RIMS1: variants seen among roughly 807,000 people sequenced by gnomAD.
RIMS1 encodes the protein regulating synaptic membrane exocytosis protein 1.
RIMS1 carries 83 observed loss-of-function variants against 214.1 expected under a neutral mutation model. That is an observed-to-expected ratio of 0.39 (90% CI 0.32 to 0.47). The LOEUF (loss-of-function observed/expected upper bound fraction) is 0.47, where lower values mean the gene tolerates loss of function less well. RIMS1 is among the 20% of genes least tolerant of loss of function. RIMS1 has a pLI of 0.99. For missense variants in RIMS1, 2,050 were observed against 2,161.8 expected (o/e 0.95, Z 1.03); for synonymous variants, 793 against 786.8 (o/e 1.01, Z -0.13).
chr6:72,239,682 C>G (rs1225724290), intron 9 of RIMS1, among the ~76,000 whole-genome samples: 2 of 152,162 alleles, frequency 1.3e-5, no homozygotes, highest in Non-Finnish European at 2.9e-5. Context: ...ACTGCTACTT[C>G]ATTTAACCTT....
chr6:72,078,563 G>T (rs1832485304), intron 2 of RIMS1, among the ~76,000 whole-genome samples: 1 of 152,122 alleles, frequency 6.6e-6, no homozygotes, highest in Non-Finnish European at 1.5e-5. Flanking sequence ...AGAGACTAGT[G>T]CCTATATCGG....
At chr6:72,256,120 C>T (rs1309449396) in intron 16 of RIMS1, among the ~76,000 whole-genome samples, 1 of 150,746 alleles carries the variant, frequency 6.6e-6, no homozygotes, top group Non-Finnish European at 1.5e-5. Flanking sequence ...TGAAGAAAAT[C>T]AAATTTTTTG....
At chr6:71,942,160 G>A (rs536538158) in intron 1 of RIMS1, among the ~76,000 whole-genome samples, 235 of 152,162 alleles carry the variant, frequency 1.5e-3, no homozygotes, top group Non-Finnish European at 2.6e-3. Context: ...TCCTTGTCAC[G>A]GCCTTAAACA....
intron 2 of RIMS1, among the ~76,000 whole-genome samples, chr6:72,063,773 C>T (rs543708644): frequency 5.3e-5 from 8 of 152,240 alleles, no homozygotes; most frequent in South Asian, 2.1e-4. Flanking sequence ...AGTTTGTATT[C>T]GTTTTATCTG....
intron 2 of RIMS1, among the ~76,000 whole-genome samples, chr6:72,065,515 C>T (rs1045172587): frequency 2.0e-5 from 3 of 151,338 alleles, no homozygotes; most frequent in East Asian, 1.9e-4. Flanking sequence ...TGTTCCTCTC[C>T]GAGGAAAAAA....
At chr6:72,273,613 A>G (rs980153963) in intron 22 of RIMS1, among the ~76,000 whole-genome samples, 2 of 152,154 alleles carry the variant, frequency 1.3e-5, no homozygotes, top group Admixed American at 6.5e-5. Flanking sequence ...AAAAGCATCC[A>G]TTTAATTGAC....
At chr6:71,911,146 A>G (rs1261624013) in intron 1 of RIMS1, among the ~76,000 whole-genome samples, 3 of 152,176 alleles carry the variant, frequency 2.0e-5, no homozygotes, top group Non-Finnish European at 4.4e-5. Context: ...ACCCTTCGAC[A>G]TTGAATTATG....
intron 2 of RIMS1, among the ~76,000 whole-genome samples, chr6:71,978,484 G>T (rs751109813): frequency 6.6e-6 from 1 of 151,794 alleles, no homozygotes; most frequent in Admixed American, 6.6e-5. Context: ...TAGGTGTTTG[G>T]ATACCCGTGA....
intron 2 of RIMS1, among the ~76,000 whole-genome samples, chr6:72,051,116 G>T (rs1302162197): frequency 6.6e-6 from 1 of 152,122 alleles, no homozygotes; most frequent in African/African-American, 2.4e-5. Flanking sequence ...TCTTCCAAAA[G>T]ATCGTTTCTT....
chr6:72,089,921 CA>C (rs1385323695), intron 2 of RIMS1, among the ~76,000 whole-genome samples: 1 of 146,114 alleles, frequency 6.8e-6, no homozygotes, highest in Non-Finnish European at 1.5e-5. Flanking sequence ...ATCGCAAGAA[CA>C]AAAAACCAAA....
chr6:71,936,026 G>A (rs1562229541), intron 1 of RIMS1, among the ~76,000 whole-genome samples: 1 of 152,140 alleles, frequency 6.6e-6, no homozygotes. Flanking sequence ...TCCTTTGGGC[G>A]CTGATAGAAC....
At chr6:72,380,456 G>C (rs189378392) in intron 29 of RIMS1, among the ~76,000 whole-genome samples, 73 of 152,256 alleles carry the variant, frequency 4.8e-4, no homozygotes, top group South Asian at 2.1e-3. Context: ...TCAACCTGAA[G>C]TATTACTTTA....
At chr6:72,205,946 TTATATC>T (rs1044224628) in intron 6 of RIMS1, among the ~76,000 whole-genome samples, 1 of 152,194 alleles carries the variant, frequency 6.6e-6, no homozygotes. Flanking sequence ...GGATTGCTAA[TTATATC>T]TATACTATAT....
At chr6:72,164,145 G>C (rs576422267) in intron 4 of RIMS1, among the ~76,000 whole-genome samples, 1 of 152,294 alleles carries the variant, frequency 6.6e-6, no homozygotes, top group Non-Finnish European at 1.5e-5. Context: ...TCAGACTGCT[G>C]TGCTAGCAAT....
At chr6:72,263,334 T>C in intron 19 of RIMS1, 7 of 985,196 alleles carry the variant, frequency 7.1e-6, no homozygotes, top group Non-Finnish European at 8.4e-6. Context: ...TGCCTTACTG[T>C]ATCCTACTGT....
chr6:72,024,493 C>T (rs1431316927), intron 2 of RIMS1, among the ~76,000 whole-genome samples: 1 of 152,058 alleles, frequency 6.6e-6, no homozygotes, highest in African/African-American at 2.4e-5. Context: ...ACAAGGCACT[C>T]AAATAATATT....
At chr6:71,917,512 G>C (rs190667381) in intron 1 of RIMS1, among the ~76,000 whole-genome samples, 9 of 152,250 alleles carry the variant, frequency 5.9e-5, no homozygotes, top group African/African-American at 2.2e-4. Flanking sequence ...GAAGTTCCAT[G>C]AGCCAGGGAG....
At chr6:72,228,078 G>A (rs770905553) in intron 6 of RIMS1, among the ~76,000 whole-genome samples, 1 of 151,748 alleles carries the variant, frequency 6.6e-6, no homozygotes, top group Non-Finnish European at 1.5e-5. Flanking sequence ...CATAAAACTA[G>A]CACCACATTC....
intron 29 of RIMS1, among the ~76,000 whole-genome samples, chr6:72,359,204 C>T (rs185047906): frequency 1.6e-4 from 24 of 152,278 alleles, no homozygotes; most frequent in African/African-American, 4.6e-4. Flanking sequence ...CAGGTGGCTG[C>T]AAGATGGTGG....
Sources: gnomAD v4.1 joint callset for allele counts (sites outside exome capture counted in the v4.1 genomes callset) on GRCh38, gnomAD v4.1.1 for gene constraint, MANE v1.5 for transcripts, NCBI Gene and HGNC (gene_info 2026-07-23, HGNC 2026-07-21) for gene names.